TNRC6B: variants seen among roughly 807,000 people sequenced by gnomAD.
TNRC6B encodes the protein trinucleotide repeat containing adaptor 6B.
In TNRC6B, 52 loss-of-function variants were observed where a neutral mutation model predicts 203.6. That is an observed-to-expected ratio of 0.26 (90% CI 0.20 to 0.32). TNRC6B has a LOEUF of 0.32. TNRC6B is among the 10% of genes least tolerant of loss of function. TNRC6B has a pLI of 1.00. For synonymous variants in TNRC6B, 838 were observed against 845.7 expected (o/e 0.99, Z 0.16); for missense variants, 1,923 against 2,286.2 (o/e 0.84, Z 3.24).
chr22:40,117,594 T>C (rs1054995592), intron 2 of TNRC6B, among the ~76,000 whole-genome samples: 1 of 152,216 alleles, frequency 6.6e-6, no homozygotes, highest in Non-Finnish European at 1.5e-5. Context: ...GTTGCTTTTT[T>C]AGTGAATCCT....
At chr22:40,138,064 C>G (rs2068615599) in intron 3 of TNRC6B, among the ~76,000 whole-genome samples, 1 of 151,514 alleles carries the variant, frequency 6.6e-6, no homozygotes, top group Non-Finnish European at 1.5e-5. Flanking sequence ...ACACGGAAAC[C>G]AGTTAGGAGA....
At chr22:40,141,523 G>A (rs2146338427) in intron 3 of TNRC6B, among the ~76,000 whole-genome samples, 1 of 152,170 alleles carries the variant, frequency 6.6e-6, no homozygotes, top group African/African-American at 2.4e-5. Flanking sequence ...TAATGGTTGA[G>A]GGCCTCTGTG....
chr22:40,125,765 C>T, intron 2 of TNRC6B: 1 of 1,585,534 alleles, frequency 6.3e-7, no homozygotes, highest in African/African-American at 1.4e-5. Flanking sequence ...CTTCTCTCTT[C>T]TTTTAGGCAG....
chr22:40,083,812 A>G (rs1246820893), intron 1 of TNRC6B, among the ~76,000 whole-genome samples: 1 of 152,176 alleles, frequency 6.6e-6, no homozygotes, highest in East Asian at 1.9e-4. Flanking sequence ...TGGTCGTGAG[A>G]TAGCAGATCG....
intron 11 of TNRC6B, among the ~76,000 whole-genome samples, chr22:40,283,828 G>A (rs1601488502): frequency 1.3e-5 from 2 of 152,282 alleles, no homozygotes; most frequent in East Asian, 1.9e-4. Context: ...TGTTATTAAA[G>A]GAGAGGTTGA....
In TNRC6B at chr22:40,310,819, G is replaced by A. The variant is rs200221722; in HGVS notation, c.4261G>A (p.Ala1421Thr). Residue 1421 changes from alanine to threonine, a missense_variant and splice_region_variant, in exon 17 of 23, where the codon GCT (alanine) becomes ACT (threonine). Ala to Thr is a moderately conservative substitution (Grantham distance 58, BLOSUM62 0). Around this residue, in one of 8 missense-constraint regions of TNRC6B, gnomAD observed 242 missense variants for 399.5 expected, o/e 0.61. Transcript: ENST00000454349. ...TQEANMHKNG[A>T]IVAPGKTRGG... ...TTTAATTTCCTCTCTTTTCTCAGGC[G>A]CTATAGTGGCCCCTGGTAAAACCCG... 21 of 1,610,532 alleles carry A rather than the reference G, an allele frequency of 1.3e-5. No homozygotes were observed. Among genetic ancestry groups the A allele is most frequent in the Non-Finnish European group, 1.6e-5 (19 of 1,178,398 alleles).
chr22:40,217,904 C>T (rs777527876), intron 1 of TNRC6B, among the ~76,000 whole-genome samples: 5 of 145,074 alleles, frequency 3.4e-5, no homozygotes, highest in Non-Finnish European at 6.0e-5. Flanking sequence ...GAACCTGGAG[C>T]AGAGGTTGCA....
At chr22:40,098,493 C>T (rs544657526) in intron 1 of TNRC6B, among the ~76,000 whole-genome samples, 23 of 151,826 alleles carry the variant, frequency 1.5e-4, no homozygotes, top group African/African-American at 4.8e-4. Context: ...CTCTGCATCC[C>T]GCCATCAGTA....
intron 1 of TNRC6B, among the ~76,000 whole-genome samples, chr22:40,234,305 CTAAGGT>C (rs1390660487): frequency 4.7e-4 from 72 of 152,184 alleles, no homozygotes; most frequent in African/African-American, 1.6e-3. Context: ...AAAAACTTCA[CTAAGGT>C]TATACTGTAA....
At chr22:40,077,727 G>T (rs975309975) in intron 1 of TNRC6B, among the ~76,000 whole-genome samples, 1 of 152,076 alleles carries the variant, frequency 6.6e-6, no homozygotes, top group African/African-American at 2.4e-5. Flanking sequence ...ATCCTCTTAC[G>T]CTGAGATAAC....
At chr22:40,304,658 G>T (rs2071067774) in intron 15 of TNRC6B, among the ~76,000 whole-genome samples, 1 of 152,152 alleles carries the variant, frequency 6.6e-6, no homozygotes, top group Admixed American at 6.5e-5. Flanking sequence ...TTATAGTAAG[G>T]AGTGTTGGTT....
intron 1 of TNRC6B, among the ~76,000 whole-genome samples, chr22:40,062,060 C>A (rs1341954798): frequency 6.6e-6 from 1 of 152,042 alleles, no homozygotes; most frequent in Non-Finnish European, 1.5e-5. Context: ...GGCAACACAG[C>A]GAGACTCTGT....
At chr22:40,125,265 C>T (rs183893275) in intron 2 of TNRC6B, among the ~76,000 whole-genome samples, 9 of 152,190 alleles carry the variant, frequency 5.9e-5, no homozygotes, top group African/African-American at 2.2e-4. Context: ...AAAGTGGGGC[C>T]AGCCATTATA....
At chr22:40,063,426 T>G (rs1198479763) in intron 1 of TNRC6B, among the ~76,000 whole-genome samples, 1 of 152,250 alleles carries the variant, frequency 6.6e-6, no homozygotes, top group Non-Finnish European at 1.5e-5. Flanking sequence ...CACATGAATT[T>G]TAGGATCAGC....
chr22:40,250,182 C>T (rs1379709359), intron 2 of TNRC6B, among the ~76,000 whole-genome samples: 1 of 152,250 alleles, frequency 6.6e-6, no homozygotes, highest in African/African-American at 2.4e-5. Context: ...GAAAATGGGT[C>T]AGAATCACCC....
At chr22:40,094,876 AGAG>A (rs533817994) in intron 1 of TNRC6B, among the ~76,000 whole-genome samples, 16 of 152,114 alleles carry the variant, frequency 1.1e-4, no homozygotes, top group Non-Finnish European at 2.4e-4. Flanking sequence ...CATGTAGTTG[AGAG>A]GAGATTTTTG....
chr22:40,261,280 C>CA (rs1441953123), intron 3 of TNRC6B, among the ~76,000 whole-genome samples: 2 of 150,424 alleles, frequency 1.3e-5, no homozygotes, highest in South Asian at 2.1e-4. Flanking sequence ...GACCTCATCT[C>CA]AAAAAAATAA....
chr22:40,182,176 C>T (rs945276454), intron 1 of TNRC6B, among the ~76,000 whole-genome samples: 5 of 151,342 alleles, frequency 3.3e-5, no homozygotes, highest in Non-Finnish European at 7.4e-5. Flanking sequence ...ACCCAGGAGT[C>T]GGAGGTTGCA....
At chr22:40,176,354 C>T (rs1464689207), upstream of TNRC6B, among the ~76,000 whole-genome samples, 1 of 151,862 alleles carries the variant, frequency 6.6e-6, no homozygotes, top group Admixed American at 6.6e-5. Flanking sequence ...CTCGAACTCC[C>T]GACCTCAGGT....
Sources: gnomAD v4.1 joint callset for allele counts (sites outside exome capture counted in the v4.1 genomes callset) on GRCh38, gnomAD v4.1.1 for gene constraint, gnomAD v4.1.1 regional missense constraint, MANE v1.5 for transcripts, NCBI Gene and HGNC (gene_info 2026-07-23, HGNC 2026-07-21) for gene names.